The following MCPH1 variants were observed in gnomAD, a reference collection of about 807,000 sequenced individuals.
MCPH1 encodes the protein microcephalin.
Under a neutral mutation model 84.5 loss-of-function variants are expected in MCPH1, and 104 were observed. That is an observed-to-expected ratio of 1.23 (90% CI 1.05 to 1.45). The LOEUF is 1.45. Among genes scored for constraint, MCPH1 ranks in the 40% most tolerant of loss-of-function variants. MCPH1 has a pLI of 0.00. For missense variants in MCPH1, 1,498 were observed against 1,005.7 expected (o/e 1.49, Z -6.62); for synonymous variants, 514 against 366.8 (o/e 1.40, Z -4.58).
intron 10 of MCPH1, among the ~76,000 whole-genome samples, chr8:6,478,260 C>T (rs777903272): frequency 6.6e-6 from 1 of 152,058 alleles, no homozygotes; most frequent in African/African-American, 2.4e-5. Flanking sequence ...AGAACATTTT[C>T]AGTAGTGGGA....
chr8:6,547,059 G>A (rs141543755), intron 12 of MCPH1, among the ~76,000 whole-genome samples: 30 of 152,176 alleles, frequency 2.0e-4, no homozygotes, highest in African/African-American at 3.1e-4. Context: ...CGTGTGTACC[G>A]TGGTTGCCTT....
At chr8:6,503,965 A>T (rs940645921) in intron 12 of MCPH1, among the ~76,000 whole-genome samples, 4 of 152,190 alleles carry the variant, frequency 2.6e-5, no homozygotes, top group Non-Finnish European at 5.9e-5. Context: ...TGCTTTCTGC[A>T]CTTTCAGATA....
intron 12 of MCPH1, among the ~76,000 whole-genome samples, chr8:6,609,123 C>A (rs955007908): frequency 5.3e-5 from 8 of 151,908 alleles, no homozygotes; most frequent in African/African-American, 1.9e-4. Flanking sequence ...CCTATCAGAC[C>A]ATTTTTTAAG....
intron 12 of MCPH1, among the ~76,000 whole-genome samples, chr8:6,603,617 G>A (rs1375434291): frequency 6.6e-6 from 1 of 152,192 alleles, no homozygotes; most frequent in Non-Finnish European, 1.5e-5. Context: ...TATGGGATGG[G>A]AATCTGGGGA....
chr8:6,577,009 G>A (rs1827181265), intron 12 of MCPH1, among the ~76,000 whole-genome samples: 1 of 152,114 alleles, frequency 6.6e-6, no homozygotes, highest in Non-Finnish European at 1.5e-5. Context: ...CTGCTGTGAG[G>A]AGGCCCCCTT....
chr8:6,593,801 A>G, intron 12 of MCPH1, among the ~76,000 whole-genome samples: 1 of 152,238 alleles, frequency 6.6e-6, no homozygotes, highest in East Asian at 1.9e-4. Context: ...TCTCAAGAAA[A>G]GACAGCCTCT....
chr8:6,495,076 G>A (rs1459736637), intron 11 of MCPH1, among the ~76,000 whole-genome samples: 1 of 152,100 alleles, frequency 6.6e-6, no homozygotes, highest in East Asian at 1.9e-4. Flanking sequence ...AGATATTATT[G>A]GCTTGAAATT....
chr8:6,623,990 G>C (rs891257469), intron 13 of MCPH1, among the ~76,000 whole-genome samples: 2 of 152,212 alleles, frequency 1.3e-5, no homozygotes, highest in Non-Finnish European at 2.9e-5. Flanking sequence ...GTGCCGTGCA[G>C]TGCCCGAGCC....
At chr8:6,548,839 C>T (rs976123057) in intron 12 of MCPH1, among the ~76,000 whole-genome samples, 1 of 152,174 alleles carries the variant, frequency 6.6e-6, no homozygotes, top group African/African-American at 2.4e-5. Flanking sequence ...CCCTTGGGTC[C>T]TTCCTTTTAT....
At chr8:6,581,328 C>G (rs1037882121) in intron 12 of MCPH1, among the ~76,000 whole-genome samples, 1 of 152,188 alleles carries the variant, frequency 6.6e-6, no homozygotes, top group Non-Finnish European at 1.5e-5. Context: ...ATTGCAACCT[C>G]CAGCATAAAT....
chr8:6,505,090 A>G (rs904565528), intron 12 of MCPH1, among the ~76,000 whole-genome samples: 4 of 120,310 alleles, frequency 3.3e-5, no homozygotes, highest in Admixed American at 9.4e-5. Context: ...CCTCGACCCA[A>G]GCGTCAGGTA....
intron 12 of MCPH1, among the ~76,000 whole-genome samples, chr8:6,531,710 C>A (rs1819549816): frequency 6.6e-6 from 1 of 152,156 alleles, no homozygotes; most frequent in Non-Finnish European, 1.5e-5. Flanking sequence ...TTATTTGAGG[C>A]CCAGAAAAGG....
chr8:6,640,124 G>C (rs558198333), intron 13 of MCPH1, among the ~76,000 whole-genome samples: 1 of 150,932 alleles, frequency 6.6e-6, no homozygotes, highest in Admixed American at 6.6e-5. Flanking sequence ...GTGTGTGCGT[G>C]TGTGTGTGTG....
At chr8:6,615,006 A>G (rs1830661249) in intron 12 of MCPH1, among the ~76,000 whole-genome samples, 3 of 152,190 alleles carry the variant, frequency 2.0e-5, no homozygotes. Flanking sequence ...TTGTCTGCTC[A>G]GGTTTCTAAG....
chr8:6,468,179 C>G (rs1283344430), intron 9 of MCPH1, among the ~76,000 whole-genome samples: 1 of 152,190 alleles, frequency 6.6e-6, no homozygotes, highest in Non-Finnish European at 1.5e-5. Context: ...ACCCTGCCTG[C>G]ACCTCACGGT....
In MCPH1 at chr8:6,648,076, C is replaced by G. The variant is rs545808784; in HGVS notation, c.*5027C>G. On this transcript the variant is annotated 3_prime_UTR_variant, in exon 14 of 14. Coordinates refer to ENST00000344683, the MANE Select transcript of MCPH1 (RefSeq NM_024596.5). ...CTGCATCTGGTAGTTCATTTAAGGTCGGCCTTGGCTTTCAAGTTAAGGCCA... is the reference window on the plus strand; with the variant it reads ...CTGCATCTGGTAGTTCATTTAAGGTGGGCCTTGGCTTTCAAGTTAAGGCCA... 2.0e-5 allele frequency: 3 copies of G among 152,166 alleles called. No individual in the cohort carries two copies. The highest frequency in any genetic ancestry group is 4.4e-5 in the Non-Finnish European group (3 of 68,048). The allele number at this position is 152,166 out of a possible 1,614,324, so 9.4% of individuals were successfully genotyped here.
chr8:6,526,543 G>C (rs571559310), intron 12 of MCPH1, among the ~76,000 whole-genome samples: 1 of 152,120 alleles, frequency 6.6e-6, no homozygotes, highest in South Asian at 2.1e-4. Flanking sequence ...AAACATGAAA[G>C]AAAAATATTT....
At chr8:6,602,526 A>C (rs1194603560) in intron 12 of MCPH1, among the ~76,000 whole-genome samples, 1 of 152,026 alleles carries the variant, frequency 6.6e-6, no homozygotes, top group Non-Finnish European at 1.5e-5. Context: ...TGTGGGGCTG[A>C]GTGGCGGCGG....
intron 12 of MCPH1, among the ~76,000 whole-genome samples, chr8:6,505,842 C>G (rs1301211086): frequency 1.5e-5 from 2 of 136,654 alleles, no homozygotes; most frequent in Non-Finnish European, 3.1e-5. Context: ...CATGCATATT[C>G]TTTATATATG....
Sources: allele counts gnomAD v4.1 joint callset (sites outside exome capture counted in the v4.1 genomes callset), GRCh38; gene constraint gnomAD v4.1.1; transcripts MANE v1.5; gene names NCBI Gene and HGNC (gene_info 2026-07-23, HGNC 2026-07-21).